TMEM117: variants seen among roughly 807,000 people sequenced by gnomAD.
TMEM117 encodes transmembrane protein 117.
A neutral mutation model predicts 52.4 loss-of-function variants in TMEM117; 27 were observed. The observed-to-expected ratio is 0.51, with a 90% confidence interval of 0.38 to 0.71. TMEM117 has a LOEUF of 0.71. TMEM117 is among the 30% of genes least tolerant of loss of function. The pLI, the probability that TMEM117 is intolerant of heterozygous loss-of-function variation, is 0.00. For synonymous variants in TMEM117, 215 were observed against 206.3 expected, an observed-to-expected ratio of 1.04 and a Z score of -0.36; for missense variants, 556 against 630.5, an observed-to-expected ratio of 0.88 and a Z score of 1.26.
intron 3 of TMEM117, among the ~76,000 whole-genome samples, chr12:44,021,732 T>C (rs1428830854): frequency 6.6e-6 from 1 of 152,208 alleles, no homozygotes; most frequent in East Asian, 1.9e-4. Context: ...AGTTTGCTGC[T>C]GAATGCCCTA....
At chr12:44,175,818 ATGC>A (rs1404389774) in intron 4 of TMEM117, among the ~76,000 whole-genome samples, 1 of 152,218 alleles carries the variant, frequency 6.6e-6, no homozygotes, top group Non-Finnish European at 1.5e-5. Flanking sequence ...ACTGTAACAA[ATGC>A]TGCTGGAAAG....
intron 2 of TMEM117, among the ~76,000 whole-genome samples, chr12:43,861,435 T>TAGAAAA: frequency 6.6e-6 from 1 of 152,222 alleles, no homozygotes; most frequent in East Asian, 1.9e-4. Flanking sequence ...GTTGCTCCCC[T>TAGAAAA]GCTTCTATTT....
At chr12:44,087,470 A>G (rs1021093757) in intron 3 of TMEM117, among the ~76,000 whole-genome samples, 16 of 151,802 alleles carry the variant, frequency 1.1e-4, no homozygotes, top group African/African-American at 2.9e-4. Flanking sequence ...GTATGTATGT[A>G]TGTATATTGA....
chr12:44,314,925 A>G (rs912555418), intron 6 of TMEM117, among the ~76,000 whole-genome samples: 1 of 152,118 alleles, frequency 6.6e-6, no homozygotes, highest in Non-Finnish European at 1.5e-5. Flanking sequence ...GACTAATTCA[A>G]TTTTGTAACT....
chr12:44,157,390 T>TA (rs1466074394), intron 4 of TMEM117, among the ~76,000 whole-genome samples: 1 of 152,260 alleles, frequency 6.6e-6, no homozygotes, highest in East Asian at 1.9e-4. Flanking sequence ...TTACTTAATT[T>TA]AAAAAATTAC....
intron 3 of TMEM117, among the ~76,000 whole-genome samples, chr12:43,982,602 A>G (rs977058988): frequency 1.3e-5 from 2 of 152,090 alleles, no homozygotes; most frequent in Non-Finnish European, 2.9e-5. Context: ...GCATCTTAAT[A>G]TTTTCTGCTT....
chr12:44,134,002 C>A (rs1565842428), intron 3 of TMEM117, among the ~76,000 whole-genome samples: 1 of 152,182 alleles, frequency 6.6e-6, no homozygotes, highest in South Asian at 2.1e-4. Flanking sequence ...CCTCCACTCT[C>A]TCCAGGTTAC....
intron 2 of TMEM117, among the ~76,000 whole-genome samples, chr12:43,853,246 C>T (rs984019376): frequency 2.0e-5 from 3 of 152,112 alleles, no homozygotes; most frequent in Non-Finnish European, 4.4e-5. Context: ...AAATTTGTTT[C>T]TTCATCCTTT....
At chr12:44,042,844 A>C (rs542122763) in intron 3 of TMEM117, among the ~76,000 whole-genome samples, 3 of 151,816 alleles carry the variant, frequency 2.0e-5, no homozygotes, top group African/African-American at 7.3e-5. Context: ...ATCCTGAGTA[A>C]TATTGATTTT....
chr12:44,272,352 C>T, intron 5 of TMEM117, among the ~76,000 whole-genome samples: 1 of 152,052 alleles, frequency 6.6e-6, no homozygotes, highest in Non-Finnish European at 1.5e-5. Flanking sequence ...GCAATGGCAA[C>T]AAAAGCCAAA....
At chr12:44,044,317 T>C (rs1946847814) in intron 3 of TMEM117, among the ~76,000 whole-genome samples, 1 of 152,202 alleles carries the variant, frequency 6.6e-6, no homozygotes, top group Admixed American at 6.5e-5. Context: ...CTGCCATTCT[T>C]CTGCAGATAA....
chr12:43,983,558 G>A (rs1273911523), intron 3 of TMEM117, among the ~76,000 whole-genome samples: 3 of 123,466 alleles, frequency 2.4e-5, no homozygotes, highest in African/African-American at 1.0e-4. Flanking sequence ...GTGTGTGTGT[G>A]TGTGTGTGTG....
At chr12:44,246,052 CAA>C (rs773793901) in intron 5 of TMEM117, among the ~76,000 whole-genome samples, 3 of 151,952 alleles carry the variant, frequency 2.0e-5, no homozygotes, top group African/African-American at 7.2e-5. Context: ...TACAGACTAA[CAA>C]AGAGATAAAT....
At chr12:43,893,441 T>G (rs998163097) in intron 2 of TMEM117, among the ~76,000 whole-genome samples, 21 of 152,180 alleles carry the variant, frequency 1.4e-4, no homozygotes, top group African/African-American at 4.6e-4. Flanking sequence ...CTTCAAGGCA[T>G]TTTTTGAAAC....
chr12:44,250,791 G>A (rs1488681343), intron 5 of TMEM117, among the ~76,000 whole-genome samples: 1 of 152,092 alleles, frequency 6.6e-6, no homozygotes, highest in Non-Finnish European at 1.5e-5. Flanking sequence ...TGAACAATGA[G>A]AACACATGGA....
intron 4 of TMEM117, among the ~76,000 whole-genome samples, chr12:44,197,259 C>A (rs927035367): frequency 6.6e-6 from 1 of 152,122 alleles, no homozygotes; most frequent in Non-Finnish European, 1.5e-5. Flanking sequence ...GATCACATTT[C>A]TGAACACATC....
intron 6 of TMEM117, among the ~76,000 whole-genome samples, chr12:44,346,448 G>A (rs1380901010): frequency 6.6e-6 from 1 of 152,082 alleles, no homozygotes; most frequent in Non-Finnish European, 1.5e-5. Context: ...CAGGAAACAT[G>A]CAGCACACAC....
At chr12:44,242,172 G>T (rs1255483223) in intron 5 of TMEM117, among the ~76,000 whole-genome samples, 1 of 151,138 alleles carries the variant, frequency 6.6e-6, no homozygotes, top group Non-Finnish European at 1.5e-5. Flanking sequence ...GGGTACATGT[G>T]CAGGTTTGTT....
chr12:44,045,829 C>A (rs185432594), intron 3 of TMEM117, among the ~76,000 whole-genome samples: 1 of 152,018 alleles, frequency 6.6e-6, no homozygotes, highest in African/African-American at 2.4e-5. Context: ...GGCGACCGTG[C>A]GAGACTCAAA....
Sources: gnomAD v4.1 joint callset for allele counts (sites outside exome capture counted in the v4.1 genomes callset) on GRCh38, gnomAD v4.1.1 for gene constraint, MANE v1.5 for transcripts, NCBI Gene and HGNC (gene_info 2026-07-23, HGNC 2026-07-21) for gene names.